Variants in XPO5 observed in about 807,000 individuals in gnomAD.
XPO5 encodes exportin-5.
In XPO5, 46 loss-of-function variants were observed where a neutral mutation model predicts 160.6. The observed-to-expected ratio is 0.29, with a 90% confidence interval of 0.23 to 0.37. XPO5 has a LOEUF of 0.37. Among genes scored for constraint, XPO5 ranks in the 10% least tolerant of loss-of-function variants. The probability of loss-of-function intolerance (pLI) is 1.00; values close to 1 mark genes in which losing one functional copy is unlikely to be tolerated. For missense variants in XPO5, 1,090 were observed against 1,463.9 expected, an observed-to-expected ratio of 0.74 and a Z score of 4.17; for synonymous variants, 537 against 519.3, an observed-to-expected ratio of 1.03 and a Z score of -0.46.
chr6:43,551,597 T>A, intron 14 of XPO5, 144 bp from the exon 15 acceptor site: 1 of 991,222 alleles, frequency 1.0e-6, no homozygotes, highest in Non-Finnish European at 1.5e-6. Context: ...CAATCATCAC[T>A]CACTGTAACC....
At chr6:43,557,398 C>A (rs913176776) in intron 12 of XPO5, among the ~76,000 whole-genome samples, 5 of 151,968 alleles carry the variant, frequency 3.3e-5, no homozygotes, top group Non-Finnish European at 7.4e-5. Context: ...TGCACTCCAG[C>A]CTGGGCGACA....
chr6:43,562,112 T>G (rs1762448888), intron 9 of XPO5, 135 bp downstream of exon 9: 3 of 592,418 alleles, frequency 5.1e-6, no homozygotes, highest in Admixed American at 6.7e-5. Flanking sequence ...ATCTATAGAA[T>G]CATGCAATAA....
chr6:43,558,577 A>G lies in XPO5; in HGVS notation c.1236T>C (p.Ser412=), dbSNP rs781374095. Residue 412 remains serine (S), a synonymous_variant, in exon 12 of 32, where the codon TCT becomes TCC. Transcript: ENST00000265351. ...MTNLVKMGFP[S]KTDSPSCEYS... is the part of the protein sequence containing the mutation. ...ATTCACAGCTAGGGCTGTCTGTTTT[A>G]GAAGGAAAGCCCATCTGGAAAAAGA... The G allele has an allele frequency of 4.4e-6, 7 of 1,593,380 alleles. No individual in the cohort carries two copies. The East Asian group carries it at 9.0e-5, about 21-fold the overall frequency.
chr6:43,547,560 A>G, intron 19 of XPO5, 48 bp downstream of exon 19: 3 of 1,558,264 alleles, frequency 1.9e-6, no homozygotes, highest in African/African-American at 2.7e-5. Context: ...ACAACACCCT[A>G]CTCCTACCCA....
At chr6:43,539,679 C>A (rs1040570037) in intron 20 of XPO5, 6 of 926,264 alleles carry the variant, frequency 6.5e-6, no homozygotes, top group African/African-American at 1.7e-5. Flanking sequence ...CCAGGCCCCC[C>A]CACTGCACCG....
chr6:43,555,681 C>T, intron 13 of XPO5, 155 bp downstream of exon 13: 1 of 806,728 alleles, frequency 1.2e-6, no homozygotes, highest in Non-Finnish European at 1.8e-6. Flanking sequence ...TTTGTGTCAG[C>T]CAATGAAAAC....
chr6:43,554,824 C>A (rs993436358), intron 13 of XPO5: 3 of 152,124 alleles, frequency 2.0e-5, no homozygotes, highest in Non-Finnish European at 4.4e-5. Flanking sequence ...TTTCAAGTTA[C>A]CAAATATCAG....
chr6:43,528,431 G>C (rs1271245265), intron 24 of XPO5, among the ~76,000 whole-genome samples: 1 of 151,948 alleles, frequency 6.6e-6, no homozygotes, highest in Non-Finnish European at 1.5e-5. Context: ...TCTTTGCTTG[G>C]AAAGAATTAA....
At chr6:43,553,943 A>G (rs1013997789) in intron 13 of XPO5, among the ~76,000 whole-genome samples, 2 of 152,190 alleles carry the variant, frequency 1.3e-5, no homozygotes, top group African/African-American at 4.8e-5. Context: ...AATCTTCCCA[A>G]TAAGGAAACA....
intron 26 of XPO5, chr6:43,527,305 CT>C: frequency 4.5e-6 from 1 of 220,464 alleles, no homozygotes; most frequent in Non-Finnish European, 9.1e-6. Flanking sequence ...CGGAGTTTCA[CT>C]CTTTTGCCAG....
chr6:43,548,108 A>C (rs573179784), intron 18 of XPO5, among the ~76,000 whole-genome samples, 153 bp downstream of exon 18: 1 of 152,320 alleles, frequency 6.6e-6, no homozygotes, highest in South Asian at 2.1e-4. Context: ...CCAGAGATTA[A>C]ATTACAAAAG....
chr6:43,534,074 G>C, intron 20 of XPO5, 67 bp from the exon 21 acceptor site: 1 of 1,242,908 alleles, frequency 8.0e-7, no homozygotes, highest in South Asian at 1.2e-5. Flanking sequence ...GGTTTTGCTT[G>C]TAATCCAGTG....
At position 43,522,662 on chromosome 6, in the gene XPO5, G is replaced by A. The variant is rs764517398; in HGVS notation, c.*1206C>T. On this transcript the variant is annotated 3_prime_UTR_variant, in exon 32 of 32. Transcript: ENST00000265351. ...CTCAATCTGACCCTGCCTGTGGCCCGCACCAGCTAAAAACTGTAGCTTCAG... is the reference window on the plus strand; with the variant it reads ...CTCAATCTGACCCTGCCTGTGGCCCACACCAGCTAAAAACTGTAGCTTCAG... 18 of 464,772 alleles carry A rather than the reference G, an allele frequency of 3.9e-5. No individual in the cohort carries two copies. The highest frequency in any genetic ancestry group is 1.9e-4 in the Admixed American group (9 of 46,396). The allele number at this position is 464,772 out of a possible 1,614,324, so 28.8% of individuals were successfully genotyped here.
chr6:43,562,502 T>C, intron 8 of XPO5, 156 bp from the exon 9 acceptor site: 1 of 620,982 alleles, frequency 1.6e-6, no homozygotes, highest in Non-Finnish European at 2.8e-6. Flanking sequence ...AAAATCTTTT[T>C]AACTTATTTG....
At chr6:43,525,436 C>A (rs1414913618) in intron 28 of XPO5, 2 of 542,690 alleles carry the variant, frequency 3.7e-6, no homozygotes, top group Non-Finnish European at 6.5e-6. Context: ...CCATGCCTGG[C>A]TTAGGAGCTG....
At chr6:43,539,716 CGGA>C (rs929590344) in intron 20 of XPO5, 8 of 650,980 alleles carry the variant, frequency 1.2e-5, no homozygotes, top group African/African-American at 7.3e-5. Context: ...GGTGTTTTCT[CGGA>C]GAAGAAGCTA....
rs746045414 is a variant in XPO5, at chr6:43,551,277, CAAA to C, written c.1728+18_1728+20del. 1.2e-5 allele frequency: 18 copies of C among 1,536,396 alleles called. No homozygotes were observed. In the African/African-American group the frequency reaches 1.5e-4, roughly 13 times the overall value. Reference sequence around the variant, plus strand: ...CTTAGAAATGTCAAAATAAAATTTACAAAGGAGATGGGCTTTATACCTTAGAGA... The same window carrying C: ...CTTAGAAATGTCAAAATAAAATTTACGGAGATGGGCTTTATACCTTAGAGA... On this transcript the variant is annotated intron_variant, in intron 15 of 31. Coordinates refer to ENST00000265351, the MANE Select transcript of XPO5 (RefSeq NM_020750.3).
intron 8 of XPO5, among the ~76,000 whole-genome samples, chr6:43,563,412 G>A (rs1336241517): frequency 2.6e-5 from 4 of 152,134 alleles, no homozygotes; most frequent in Non-Finnish European, 5.9e-5. Flanking sequence ...GGGGATTACA[G>A]GCATGAGCCA....
At chr6:43,534,999 A>AACAACAACAACAAC (rs1451970764) in intron 20 of XPO5, among the ~76,000 whole-genome samples, 1 of 151,136 alleles carries the variant, frequency 6.6e-6, no homozygotes. Context: ...CATCTCAAAA[A>AACAACAACAACAAC]AACCCCCCAA....
Sources: allele counts gnomAD v4.1 joint callset (sites outside exome capture counted in the v4.1 genomes callset), GRCh38; gene constraint gnomAD v4.1.1; transcripts MANE v1.5; gene names NCBI Gene and HGNC (gene_info 2026-07-23, HGNC 2026-07-21).